ITGB6: variants seen among roughly 807,000 people sequenced by gnomAD.
The protein encoded by ITGB6 is integrin beta-6.
In ITGB6, 80 loss-of-function variants were observed where a neutral mutation model predicts 84.5. That is an observed-to-expected ratio of 0.95 (90% CI 0.79 to 1.14). The LOEUF (loss-of-function observed/expected upper bound fraction) is 1.14. ITGB6 is among the 50% of genes most tolerant of loss of function. The pLI, the probability that ITGB6 is intolerant of heterozygous loss-of-function variation, is 0.00. For missense variants in ITGB6, 1,006 were observed against 968.0 expected (o/e 1.04, Z -0.52); for synonymous variants, 383 against 354.9 (o/e 1.08, Z -0.89).
chr2:160,119,621 C>G (rs1225143388), intron 12 of ITGB6, among the ~76,000 whole-genome samples: 3 of 152,058 alleles, frequency 2.0e-5, no homozygotes, highest in Non-Finnish European at 4.4e-5. Flanking sequence ...GACTTCATGT[C>G]TAAAACACCA....
chr2:160,186,718 A>G (rs1226363714), intron 4 of ITGB6, among the ~76,000 whole-genome samples: 1 of 152,236 alleles, frequency 6.6e-6, no homozygotes, highest in Non-Finnish European at 1.5e-5. Flanking sequence ...ACCAACCCAA[A>G]TGTCCATCAA....
intron 6 of ITGB6, among the ~76,000 whole-genome samples, chr2:160,171,484 A>G (rs980336530): frequency 1.3e-5 from 2 of 151,912 alleles, no homozygotes; most frequent in East Asian, 1.9e-4. Context: ...ACAGGCGCCC[A>G]CCACCACGCC....
intron 12 of ITGB6, among the ~76,000 whole-genome samples, chr2:160,114,374 A>G (rs962915890): frequency 6.6e-6 from 1 of 152,188 alleles, no homozygotes; most frequent in Non-Finnish European, 1.5e-5. Context: ...GTGAATGTCT[A>G]CAGTGCTGCT....
Position 160,185,276 on chromosome 2 carries a change from G to A in ITGB6, c.593+10093C>T, listed in dbSNP as rs1056731089. 1.4e-4 allele frequency among the ~76,000 whole-genome samples: 22 copies of A among 152,274 alleles called. No individual in the cohort carries two copies. The South Asian group carries it at 4.6e-3, about 32-fold the overall frequency. The stretch of plus-strand genomic sequence containing the variant: ...CTCCTTAAGCTGATAAGCAACTTCA[G>A]CAAAGTCTCAGGATACAAAATCAAT... On this transcript the variant is annotated intron_variant, in intron 4 of 14. Coordinates refer to ENST00000283249, the MANE Select transcript of ITGB6 (RefSeq NM_000888.5).
intron 7 of ITGB6, among the ~76,000 whole-genome samples, chr2:160,144,541 A>T (rs1343450410): frequency 6.6e-6 from 1 of 152,230 alleles, no homozygotes; most frequent in Non-Finnish European, 1.5e-5. Context: ...CCCAGAAGAG[A>T]CGGCAGAGGG....
At chr2:160,146,164 C>G (rs1684178661) in intron 7 of ITGB6, among the ~76,000 whole-genome samples, 1 of 152,094 alleles carries the variant, frequency 6.6e-6, no homozygotes, top group African/African-American at 2.4e-5. Context: ...GTCGAGTGGT[C>G]ACATATCAGC....
In ITGB6 at chr2:160,173,975, T is replaced by C; in HGVS notation, c.758A>G (p.Lys253Arg). 1.9e-6 allele frequency: 3 copies of C among 1,612,984 alleles called. No homozygotes were observed. The highest frequency in any genetic ancestry group is 2.5e-6 in the Non-Finnish European group (3 of 1,179,704). ...GAAACAGCACTCCCTTCAGCATACC[T>C]TACACACAGCAGCTTGCATAATTGC... is the stretch of plus-strand genomic sequence containing the variant. ...FDAIMQAAVC[K>R]EKIGWRNDSL... Residue 253 changes from lysine (K) to arginine (R), a missense_variant and splice_region_variant, in exon 5 of 15, where the codon AAG becomes AGG. Coordinates refer to ENST00000283249, the MANE Select transcript of ITGB6 (RefSeq NM_000888.5).
chr2:160,134,402 G>A (rs561587593), intron 10 of ITGB6, among the ~76,000 whole-genome samples: 1 of 152,300 alleles, frequency 6.6e-6, no homozygotes, highest in South Asian at 2.1e-4. Flanking sequence ...CTGAAATTGA[G>A]GCAATAATTA....
intron 4 of ITGB6, among the ~76,000 whole-genome samples, chr2:160,188,586 A>C (rs1686001609): frequency 6.6e-6 from 1 of 151,274 alleles, no homozygotes; most frequent in Non-Finnish European, 1.5e-5. Flanking sequence ...AAATGCTTTT[A>C]ATCGTTAACT....
At position 160,103,589 on chromosome 2, in the gene ITGB6, C is replaced by G. The variant is rs545179125; in HGVS notation, c.2269-1755G>C. ...TGAGATTTTGAAGGCAAAGGGCAGACTGATGTGAATTTAGATGTAGATGGA... is the reference window on the plus strand; with the variant it reads ...TGAGATTTTGAAGGCAAAGGGCAGAGTGATGTGAATTTAGATGTAGATGGA... On this transcript the variant is annotated intron_variant, in intron 14 of 14. Coordinates refer to ENST00000283249, the MANE Select transcript of ITGB6 (RefSeq NM_000888.5). 3.0e-3 allele frequency among the ~76,000 whole-genome samples: 451 copies of G among 152,166 alleles called. 3 individuals carry two copies. Among genetic ancestry groups the G allele is most frequent in the African/African-American group, 0.01 (420 of 41,502 alleles).
intron 11 of ITGB6, among the ~76,000 whole-genome samples, chr2:160,125,729 C>T (rs1008610906): frequency 6.6e-6 from 1 of 152,188 alleles, no homozygotes; most frequent in African/African-American, 2.4e-5. Flanking sequence ...TTTGGAGGCT[C>T]GCTTCACTTG....
chr2:160,107,265 C>T (rs914093519), intron 14 of ITGB6, among the ~76,000 whole-genome samples: 10 of 152,020 alleles, frequency 6.6e-5, no homozygotes, highest in Non-Finnish European at 1.5e-4. Flanking sequence ...CATGAATTAT[C>T]GTACTATTTA....
At chr2:160,143,736 A>G (rs1410796894) in intron 7 of ITGB6, among the ~76,000 whole-genome samples, 1 of 152,218 alleles carries the variant, frequency 6.6e-6, no homozygotes, top group African/African-American at 2.4e-5. Context: ...AAAATGCACA[A>G]AACTATATTA....
intron 7 of ITGB6, among the ~76,000 whole-genome samples, chr2:160,148,532 G>A (rs927068479): frequency 6.6e-6 from 1 of 152,192 alleles, no homozygotes; most frequent in Non-Finnish European, 1.5e-5. Context: ...CAGCATGATC[G>A]ACGCAGAAGA....
chr2:160,138,633 T>A lies in ITGB6; in HGVS notation c.1108-434A>T, dbSNP rs978871041. On this transcript the variant is annotated intron_variant, in intron 8 of 14. Coordinates refer to ENST00000283249, the MANE Select transcript of ITGB6 (RefSeq NM_000888.5). ...CAAAATTAAACAACAGCTTCCTTTA[T>A]GTGTATCATGATTTCTTAGCTCCCA... is the stretch of plus-strand genomic sequence containing the variant. 2.0e-5 allele frequency among the ~76,000 whole-genome samples: 3 copies of A among 152,204 alleles called. No individual in the cohort carries two copies. The South Asian group carries it at 6.2e-4, about 32-fold the overall frequency.
Position 160,118,463 on chromosome 2 carries a change from A to C in ITGB6, c.1981+5328T>G, listed in dbSNP as rs189339895. ...GAAAAGGCCTTTGACAAAATTCAAC[A>C]GTGCTTCATGCTAAAAACTCTCAAT... is the stretch of plus-strand genomic sequence containing the variant. On this transcript the variant is annotated intron_variant, in intron 12 of 14. Coordinates refer to ENST00000283249, the MANE Select transcript of ITGB6 (RefSeq NM_000888.5). Among the ~76,000 whole-genome samples the C allele has an allele frequency of 5.5e-3, 837 of 152,312 alleles. 1 individual carries two copies. Among genetic ancestry groups the C allele is most frequent in the Non-Finnish European group, 9.5e-3 (647 of 68,028 alleles).
At chr2:160,118,845 A>G (rs191784067) in intron 12 of ITGB6, among the ~76,000 whole-genome samples, 272 of 152,338 alleles carry the variant, frequency 1.8e-3, no homozygotes, top group Non-Finnish European at 2.1e-3. Context: ...ATGTACAAAA[A>G]TCACAAGCAT....
At chr2:160,160,846 G>A (rs1684787466) in intron 7 of ITGB6, among the ~76,000 whole-genome samples, 1 of 152,034 alleles carries the variant, frequency 6.6e-6, no homozygotes. Flanking sequence ...AAGGCTTTAG[G>A]GGATACATGG....
At chr2:160,158,501 C>T (rs1242888063) in intron 7 of ITGB6, among the ~76,000 whole-genome samples, 1 of 152,220 alleles carries the variant, frequency 6.6e-6, no homozygotes, top group Non-Finnish European at 1.5e-5. Flanking sequence ...CAGATCTTCT[C>T]TTAATAAGAT....
Sources: allele counts gnomAD v4.1 joint callset (sites outside exome capture counted in the v4.1 genomes callset), GRCh38; gene constraint gnomAD v4.1.1; transcripts MANE v1.5; gene names NCBI Gene and HGNC (gene_info 2026-07-23, HGNC 2026-07-21).